Variants in ZC3H13 observed in about 807,000 individuals in gnomAD.
ZC3H13 encodes zinc finger CCCH domain-containing protein 13.
Under a neutral mutation model 204.1 loss-of-function variants are expected in ZC3H13, and 64 were observed. That is an observed-to-expected ratio of 0.31 (90% confidence interval 0.26 to 0.39). The LOEUF (loss-of-function observed/expected upper bound fraction) is 0.39, where lower values mean the gene tolerates loss of function less well. Among genes scored for constraint, ZC3H13 ranks in the 10% least tolerant of loss-of-function variants. The pLI is 1.00. For missense variants in ZC3H13, 1,833 were observed against 2,082.7 expected (o/e 0.88, Z 2.33); for synonymous variants, 667 against 693.7 (o/e 0.96, Z 0.60).
intron 1 of ZC3H13, among the ~76,000 whole-genome samples, chr13:46,047,048 T>C (rs994113237): frequency 1.3e-5 from 2 of 152,170 alleles, no homozygotes; most frequent in African/African-American, 4.8e-5. Flanking sequence ...AAATCTTTAA[T>C]GTGGTTTCAA....
intron 4 of ZC3H13, among the ~76,000 whole-genome samples, chr13:46,030,410 C>T (rs1399289691): frequency 6.6e-6 from 1 of 152,118 alleles, no homozygotes; most frequent in African/African-American, 2.4e-5. Flanking sequence ...AAAAAGAATA[C>T]AGATTATTAA....
In ZC3H13 at chr13:45,983,423, T is replaced by A. The variant is rs1454589869; in HGVS notation, c.1720+1874A>T. Among the ~76,000 whole-genome samples, 30 of 40,462 alleles carry A rather than the reference T, an allele frequency of 7.4e-4. 1 individual carries two copies. Among genetic ancestry groups the A allele is most frequent in the African/African-American group, 2.7e-3 (14 of 5,154 alleles). 26.5% of individuals were successfully genotyped at this position (40,462 alleles called of 152,430 possible). A position where few individuals can be genotyped will look rare whatever the true frequency, so the allele number is the denominator to read the frequency against. On this transcript the variant is annotated intron_variant, in intron 10 of 18. Transcript: ENST00000679008. ...TACTTATATATATATATTTTTTTTT[T>A]TTTTTTTTTTTTTTTTTTTTTGAGA... is the stretch of plus-strand genomic sequence containing the variant.
Position 46,003,347 on chromosome 13 carries a change from C to A in ZC3H13, c.747-11G>T. The A allele has an allele frequency of 6.2e-7, 1 of 1,601,628 alleles. No homozygotes were observed. On this transcript the variant is annotated splice_polypyrimidine_tract_variant and intron_variant, in intron 7 of 18. Coordinates refer to ENST00000679008, the MANE Select transcript of ZC3H13 (RefSeq NM_001330564.2). ...TTGGTTTTTGAATTTCTGAAGGTAACAAAAAGCTATCATTAGAGGTTCAAA... is the reference window on the plus strand; with the variant it reads ...TTGGTTTTTGAATTTCTGAAGGTAAAAAAAAGCTATCATTAGAGGTTCAAA...
chr13:45,972,984 A>G (rs1952712385), intron 12 of ZC3H13, among the ~76,000 whole-genome samples: 2 of 152,242 alleles, frequency 1.3e-5, no homozygotes, highest in African/African-American at 4.8e-5. Flanking sequence ...CTCCAGGCCC[A>G]GCTGCATTGT....
At chr13:45,982,573 G>A (rs1055770517) in intron 10 of ZC3H13, among the ~76,000 whole-genome samples, 1 of 152,150 alleles carries the variant, frequency 6.6e-6, no homozygotes, top group African/African-American at 2.4e-5. Context: ...AAAGACAGCT[G>A]CCAGCAAAAC....
intron 11 of ZC3H13, among the ~76,000 whole-genome samples, chr13:45,977,522 G>A (rs1953158292): frequency 6.6e-6 from 1 of 152,056 alleles, no homozygotes; most frequent in Non-Finnish European, 1.5e-5. Context: ...CCCAAAATGT[G>A]TTATTCAAAG....
intron 8 of ZC3H13, among the ~76,000 whole-genome samples, chr13:45,999,202 G>A (rs917821317): frequency 2.0e-5 from 3 of 152,152 alleles, no homozygotes; most frequent in Non-Finnish European, 2.9e-5. Context: ...CTGAGATGGC[G>A]CCAGTGCACT....
chr13:46,038,008 G>A (rs998727410), intron 4 of ZC3H13, among the ~76,000 whole-genome samples: 1 of 152,140 alleles, frequency 6.6e-6, no homozygotes, highest in Non-Finnish European at 1.5e-5. Flanking sequence ...CTGCATATCA[G>A]AACCACTTTC....
rs761165369 is a variant in ZC3H13, at chr13:45,963,923, C to G, written c.4594G>C (p.Gly1532Arg). 1.2e-6 allele frequency: 2 copies of G among 1,614,056 alleles called. No homozygotes were observed. Among genetic ancestry groups the G allele is most frequent in the Non-Finnish European group, 1.7e-6 (2 of 1,179,998 alleles). ...FTPGAVMLRV[G>R]ISKKLAGSEL... ...GAACCTGCCAACTTTTTAGAAATCCCAACTCTTAGCATAACAGCTCCAGGT... is the reference window on the plus strand; with the variant it reads ...GAACCTGCCAACTTTTTAGAAATCCGAACTCTTAGCATAACAGCTCCAGGT... The change falls in exon 17 of 19, where the codon GGG (glycine) becomes CGG (arginine). Residue 1532 changes from glycine (G) to arginine (R), a missense_variant. Physicochemically the swap from Gly to Arg is moderately radical, Grantham distance 125 (BLOSUM62 -2). Coordinates refer to ENST00000679008, the MANE Select transcript of ZC3H13 (RefSeq NM_001330564.2).
intron 8 of ZC3H13, among the ~76,000 whole-genome samples, chr13:45,993,781 A>T (rs2040133599): frequency 6.6e-6 from 1 of 152,214 alleles, no homozygotes; most frequent in Non-Finnish European, 1.5e-5. Flanking sequence ...AATCATTTCT[A>T]ACTGAACAAT....
rs1006343100 is a variant in ZC3H13, at chr13:45,956,919, G to A, written c.*208C>T. ...TAGATGTTTTCACATTATTTTGCAT[G>A]AGTGTCAAATACTATGTAAAAATTA... On this transcript the variant is annotated 3_prime_UTR_variant, in exon 19 of 19. Coordinates refer to ENST00000679008, the MANE Select transcript of ZC3H13 (RefSeq NM_001330564.2). The A allele has an allele frequency of 2.7e-5, 10 of 365,934 alleles. No individual in the cohort carries two copies. Among genetic ancestry groups the A allele is most frequent in the Admixed American group, 4.7e-5 (1 of 21,424 alleles). The allele number at this position is 365,934 out of a possible 1,614,324, so 22.7% of individuals were successfully genotyped here. A position where few individuals can be genotyped will look rare whatever the true frequency, so the allele number is the denominator to read the frequency against.
chr13:45,982,886 A>G (rs981940282), intron 10 of ZC3H13, among the ~76,000 whole-genome samples: 5 of 152,232 alleles, frequency 3.3e-5, no homozygotes, highest in African/African-American at 1.2e-4. Flanking sequence ...CCTGGCATAA[A>G]CAGTCATTCT....
intron 8 of ZC3H13, among the ~76,000 whole-genome samples, chr13:45,993,178 A>T (rs1037117865): frequency 6.6e-6 from 1 of 152,226 alleles, no homozygotes. Flanking sequence ...CAACATTTAT[A>T]CAAAAGGACA....
intron 4 of ZC3H13, among the ~76,000 whole-genome samples, chr13:46,039,049 T>C (rs934397950): frequency 1.3e-5 from 2 of 152,038 alleles, no homozygotes; most frequent in Non-Finnish European, 2.9e-5. Context: ...TAATAATTAA[T>C]ATCCTGGTGT....
At chr13:45,992,635 T>A (rs2040044178) in intron 8 of ZC3H13, among the ~76,000 whole-genome samples, 1 of 152,208 alleles carries the variant, frequency 6.6e-6, no homozygotes, top group Non-Finnish European at 1.5e-5. Flanking sequence ...CTGGGTTAAC[T>A]GGGTCATGGA....
At chr13:45,981,632 C>T (rs1953619995) in intron 10 of ZC3H13, among the ~76,000 whole-genome samples, 1 of 152,152 alleles carries the variant, frequency 6.6e-6, no homozygotes, top group African/African-American at 2.4e-5. Flanking sequence ...TTCTCCACAT[C>T]CTCTCCAGCA....
chr13:45,969,522 T>C lies in ZC3H13; in HGVS notation c.3022A>G (p.Lys1008Glu), dbSNP rs768842386. ...QKKKSIEKKR[K>E]KSKGDSDISD... The stretch of plus-strand genomic sequence containing the variant: ...ATATCAGAATCACCTTTGGATTTTT[T>C]ACGTTTTTTTTCAATGCTTTTCTTT... Residue 1008 changes from lysine to glutamate, a missense_variant, in exon 14 of 19, where the codon AAA becomes GAA. By Grantham distance (56) the Lys-to-Glu change is moderately conservative (BLOSUM62 1). Transcript: ENST00000679008. 3.7e-6 allele frequency: 6 copies of C among 1,602,868 alleles called. No homozygotes were observed. Among genetic ancestry groups the C allele is most frequent in the Non-Finnish European group, 1.7e-6 (2 of 1,177,328 alleles).
intron 6 of ZC3H13, 108 bp from the exon 7 acceptor site, chr13:46,010,613 TTGCCGGG>T (rs2041484200): frequency 8.2e-7 from 1 of 1,226,016 alleles, no homozygotes; most frequent in Non-Finnish European, 1.1e-6. Context: ...TTAAATATTA[TTGCCGGG>T]TGCAGTGGTT....
At chr13:45,993,944 A>C (rs2040147937) in intron 8 of ZC3H13, among the ~76,000 whole-genome samples, 1 of 152,204 alleles carries the variant, frequency 6.6e-6, no homozygotes, top group African/African-American at 2.4e-5. Context: ...AGGTACTAAT[A>C]ATTTTGTTCA....
Sources: gnomAD v4.1 joint callset for allele counts (sites outside exome capture counted in the v4.1 genomes callset) on GRCh38, gnomAD v4.1.1 for gene constraint, MANE v1.5 for transcripts, NCBI Gene and HGNC (gene_info 2026-07-23, HGNC 2026-07-21) for gene names.